Variants in REV3L observed in about 807,000 individuals in gnomAD.
REV3L encodes the protein REV3 like, DNA directed polymerase zeta catalytic subunit, also known as DNA polymerase zeta catalytic subunit.
REV3L carries 69 observed loss-of-function variants against 299.4 expected under a neutral mutation model. That is an observed-to-expected ratio of 0.23 (90% CI 0.19 to 0.28). The LOEUF is 0.28. Ranked by LOEUF, REV3L falls within the 10% of genes least tolerant of loss-of-function variation. The probability of loss-of-function intolerance (pLI) is 1.00; values close to 1 mark genes in which losing one functional copy is unlikely to be tolerated. For missense variants in REV3L, 3,128 were observed against 3,693.8 expected, an observed-to-expected ratio of 0.85 and a Z score of 3.97; for synonymous variants, 1,238 against 1,271.4, an observed-to-expected ratio of 0.97 and a Z score of 0.56.
chr6:111,368,441 T>C (rs964299692), intron 13 of REV3L, among the ~76,000 whole-genome samples: 2 of 152,210 alleles, frequency 1.3e-5, no homozygotes, highest in African/African-American at 4.8e-5. Flanking sequence ...ATATTATTCA[T>C]AGCTTCTTCC....
intron 1 of REV3L, among the ~76,000 whole-genome samples, chr6:111,451,619 T>G (rs1789551503): frequency 6.6e-6 from 1 of 152,116 alleles, no homozygotes; most frequent in South Asian, 2.1e-4. Context: ...AAGCAAATTT[T>G]GGGCCCAATA....
chr6:111,361,501 G>C (rs1234180651), intron 16 of REV3L: 2 of 150,778 alleles, frequency 1.3e-5, no homozygotes, highest in East Asian at 3.9e-4. Context: ...TAGGTTAAAA[G>C]GGTCTTAGAG....
At chr6:111,338,593 T>C (rs1776178565) in intron 21 of REV3L, among the ~76,000 whole-genome samples, 1 of 151,896 alleles carries the variant, frequency 6.6e-6, no homozygotes, top group East Asian at 1.9e-4. Flanking sequence ...CTTTTTACTT[T>C]TGTTGATGTT....
At chr6:111,311,011 T>G in intron 29 of REV3L, 58 bp downstream of exon 29, 1 of 1,427,594 alleles carries the variant, frequency 7.0e-7, no homozygotes, top group Non-Finnish European at 9.5e-7. Flanking sequence ...CATTTGGGTC[T>G]TCTAGACCTG....
chr6:111,466,548 A>G (rs562921723), intron 1 of REV3L, among the ~76,000 whole-genome samples: 55 of 152,334 alleles, frequency 3.6e-4, no homozygotes, highest in African/African-American at 1.3e-3. Flanking sequence ...CGGAAATGTT[A>G]AAATTGGGCC....
chr6:111,358,406 A>G (rs1353571048), intron 17 of REV3L, among the ~76,000 whole-genome samples: 1 of 152,116 alleles, frequency 6.6e-6, no homozygotes. Flanking sequence ...AACAAATTAT[A>G]TAAGATAATT....
In REV3L at chr6:111,482,965, A is replaced by T; in HGVS notation, c.-77T>A. 4.2e-6 allele frequency: 6 copies of T among 1,419,076 alleles called. No individual in the cohort carries two copies. The highest frequency in any genetic ancestry group is 5.5e-6 in the Non-Finnish European group (6 of 1,089,574). The allele number at this position is 1,419,076 out of a possible 1,614,324, so 87.9% of individuals were successfully genotyped here. On this transcript the variant is annotated 5_prime_UTR_variant, in exon 1 of 32. Coordinates refer to ENST00000368802, the MANE Select transcript of REV3L (RefSeq NM_001372078.1). The stretch of plus-strand genomic sequence containing the variant: ...CAGCAGCGGCGGCGGCTCCCTCCGC[A>T]GCGGCGGCGGCGCCCCCTCCCCTTC...
intron 20 of REV3L, among the ~76,000 whole-genome samples, chr6:111,344,506 T>G (rs933035604): frequency 6.6e-6 from 1 of 152,182 alleles, no homozygotes; most frequent in Non-Finnish European, 1.5e-5. Flanking sequence ...CATTAGTTAC[T>G]AGACCCCACT....
At chr6:111,321,910 G>A (rs1438365613) in intron 26 of REV3L, among the ~76,000 whole-genome samples, 1 of 151,880 alleles carries the variant, frequency 6.6e-6, no homozygotes, top group African/African-American at 2.4e-5. Flanking sequence ...AATAAGCCAT[G>A]CAAAAAAGAT....
In REV3L at chr6:111,313,875, A is replaced by C. The variant is rs1773244473; in HGVS notation, c.8467-386T>G. Among the ~76,000 whole-genome samples the C allele has an allele frequency of 2.6e-5, 4 of 152,324 alleles. No individual in the cohort carries two copies. In the South Asian group the frequency reaches 8.3e-4, roughly 32 times the overall value. ...ATTTTCTTCTGTGCAGAATGATTGC[A>C]GCCCCATGTCTGCCTACTGAAATTC... On this transcript the variant is annotated intron_variant, in intron 27 of 31. Transcript: ENST00000368802.
At chr6:111,461,256 T>C (rs142817007) in intron 1 of REV3L, among the ~76,000 whole-genome samples, 1 of 152,088 alleles carries the variant, frequency 6.6e-6, no homozygotes, top group Non-Finnish European at 1.5e-5. Context: ...TATTTATAGC[T>C]TGACTCTCTG....
rs1284628914 is a variant in REV3L at position 111,430,221 on chromosome 6, C to A, written c.140-13749G>T. ...TTTAGCCAAACAAGAAGAAGTAGAA[C>A]AGATACCCCACCCCTTCAAGAAGCT... On this transcript the variant is annotated intron_variant, in intron 1 of 31. Transcript: ENST00000368802. 5.7e-4 allele frequency: 477 copies of A among 832,356 alleles called. 4 individuals carry two copies. The East Asian group carries it at 0.011, about 20-fold the overall frequency. 51.6% of individuals were successfully genotyped at this position (832,356 alleles called of 1,614,324 possible).
At chr6:111,454,541 A>C (rs1429558760) in intron 1 of REV3L, among the ~76,000 whole-genome samples, 2 of 152,188 alleles carry the variant, frequency 1.3e-5, no homozygotes, top group Non-Finnish European at 2.9e-5. Flanking sequence ...TTAAATAATA[A>C]TAAATCCCCA....
intron 30 of REV3L, 94 bp from the exon 31 acceptor site, chr6:111,307,664 C>A: frequency 8.8e-7 from 1 of 1,131,138 alleles, no homozygotes; most frequent in South Asian, 1.4e-5. Context: ...GGCATTCATT[C>A]ATTCGTTCAT....
intron 1 of REV3L, among the ~76,000 whole-genome samples, chr6:111,465,757 A>AAAC (rs1791405345): frequency 8.2e-6 from 1 of 121,288 alleles, no homozygotes; most frequent in Non-Finnish European, 2.1e-5. Context: ...AAAAAAAAAA[A>AAAC]AAAAAAAAAC....
At chr6:111,303,165 C>CTTTTTTTTTTTTTTTT (rs1189398273) in intron 31 of REV3L, among the ~76,000 whole-genome samples, 3 of 92,342 alleles carry the variant, frequency 3.2e-5, no homozygotes, top group Admixed American at 2.9e-4. Context: ...TCTTTTCTTT[C>CTTTTTTTTTTTTTTTT]TTTTTTTTTT....
intron 1 of REV3L, among the ~76,000 whole-genome samples, chr6:111,472,845 T>C (rs920301964): frequency 6.6e-6 from 1 of 152,164 alleles, no homozygotes; most frequent in African/African-American, 2.4e-5. Context: ...AAAGGTTAAA[T>C]AGGCTGTCAT....
chr6:111,307,594 T>G, intron 30 of REV3L, 24 bp from the exon 31 acceptor site: 1 of 1,609,288 alleles, frequency 6.2e-7, no homozygotes, highest in South Asian at 1.1e-5. Flanking sequence ...CATTCAGAAG[T>G]AAGCCTGAGT....
At position 111,357,067 on chromosome 6, in the gene REV3L, G is replaced by A. The variant is rs1778165448; in HGVS notation, c.7131C>T (p.Thr2377=). ...AAAGTGCCTTCTCATCAGCAGCATAGGTGACTTCGAGTCCTGTAATTCCAG... is the reference window on the plus strand; with the variant it reads ...AAAGTGCCTTCTCATCAGCAGCATAAGTGACTTCGAGTCCTGTAATTCCAG... ...IRSGITGLEV[T]YAADEKALFH... The change falls in exon 18 of 32, where the codon ACC becomes ACT. Residue 2377 remains threonine (T), a synonymous_variant. Transcript: ENST00000368802. The A allele has an allele frequency of 6.2e-7, 1 of 1,602,310 alleles. No homozygotes were observed. Among genetic ancestry groups the A allele is most frequent in the Non-Finnish European group, 8.5e-7 (1 of 1,173,292 alleles).
Sources: allele counts gnomAD v4.1 joint callset (sites outside exome capture counted in the v4.1 genomes callset), GRCh38; gene constraint gnomAD v4.1.1; transcripts MANE v1.5; gene names NCBI Gene and HGNC (gene_info 2026-07-23, HGNC 2026-07-21).